Variants in SMARCA2 observed in about 807,000 individuals in gnomAD.
SMARCA2 encodes SWI/SNF related BAF chromatin remodeling complex subunit ATPase 2.
In SMARCA2, 61 loss-of-function variants were observed where a neutral mutation model predicts 199.8. The ratio of observed to expected loss-of-function variants is 0.31; its 90% CI spans 0.25 to 0.38. The LOEUF (loss-of-function observed/expected upper bound fraction) is 0.38, where lower values mean the gene tolerates loss of function less well. SMARCA2 is among the 10% of genes least tolerant of loss of function. The pLI is 1.00. For synonymous variants in SMARCA2, 935 were observed against 732.0 expected (o/e 1.28, Z -4.48); for missense variants, 1,344 against 2,012.2 (o/e 0.67, Z 6.35).
intron 15 of SMARCA2, among the ~76,000 whole-genome samples, chr9:2,082,737 A>C (rs946079938): frequency 3.9e-5 from 6 of 152,250 alleles, no homozygotes; most frequent in Non-Finnish European, 8.8e-5. Context: ...AGTAAGAAGA[A>C]GGATTCTATT....
intron 20 of SMARCA2, 35 bp downstream of exon 20, chr9:2,096,799 G>A (rs1442942058): frequency 1.6e-6 from 2 of 1,215,054 alleles, no homozygotes; most frequent in Non-Finnish European, 2.5e-6. Flanking sequence ...TCAAGGTGCT[G>A]TGGTATGTCT....
At chr9:2,142,944 T>C (rs150196505) in intron 27 of SMARCA2, among the ~76,000 whole-genome samples, 7 of 152,218 alleles carry the variant, frequency 4.6e-5, no homozygotes, top group African/African-American at 1.4e-4. Flanking sequence ...TCAATTTAAG[T>C]GCCTTTGGAA....
At chr9:2,182,323 ACCT>A in intron 31 of SMARCA2, 81 bp downstream of exon 31, 1 of 842,130 alleles carries the variant, frequency 1.2e-6, no homozygotes, top group Non-Finnish European at 2.0e-6. Flanking sequence ...TTCATTTTCT[ACCT>A]CTTGAATCAT....
At chr9:2,117,493 T>C (rs1393119888) in intron 25 of SMARCA2, among the ~76,000 whole-genome samples, 2 of 152,234 alleles carry the variant, frequency 1.3e-5, no homozygotes, top group Non-Finnish European at 2.9e-5. Context: ...TTTTTTGTTG[T>C]TTATACACTT....
chr9:2,091,019 T>G (rs1402694726), intron 19 of SMARCA2, among the ~76,000 whole-genome samples: 1 of 152,196 alleles, frequency 6.6e-6, no homozygotes, highest in African/African-American at 2.4e-5. Flanking sequence ...AGGAAAAGGC[T>G]AAATACTTTC....
intron 5 of SMARCA2, among the ~76,000 whole-genome samples, chr9:2,052,357 C>G (rs1334015984): frequency 2.0e-5 from 3 of 152,272 alleles, no homozygotes; most frequent in Non-Finnish European, 4.4e-5. Context: ...GCCTATAGCC[C>G]CAGCTACATG....
At position 2,177,347 on chromosome 9, in the gene SMARCA2, C is replaced by G. The variant is rs534426023; in HGVS notation, c.4254-4224C>G. Reference sequence around the variant, plus strand: ...CATTTTCTAATTGAAGTAAGATAGTCACATTTTAACCCTTATTAATATAAA... The same window carrying G: ...CATTTTCTAATTGAAGTAAGATAGTGACATTTTAACCCTTATTAATATAAA... On this transcript the variant is annotated intron_variant, in intron 29 of 33. Coordinates refer to ENST00000349721, the MANE Select transcript of SMARCA2 (RefSeq NM_003070.5). Among the ~76,000 whole-genome samples the G allele has an allele frequency of 1.4e-4, 22 of 152,234 alleles. No individual in the cohort carries two copies. The South Asian group carries it at 3.3e-3, about 23-fold the overall frequency.
intron 4 of SMARCA2, chr9:2,045,668 A>G (rs1388663609): frequency 6.6e-6 from 1 of 152,198 alleles, no homozygotes; most frequent in Non-Finnish European, 1.5e-5. Context: ...ACCTAAAATT[A>G]AAAATAAAAT....
chr9:2,182,478 C>CTTTTTT (rs145095906), intron 31 of SMARCA2, among the ~76,000 whole-genome samples: 135 of 96,674 alleles, frequency 1.4e-3, no homozygotes, highest in African/African-American at 4.8e-3. Context: ...AGCTTATAGT[C>CTTTTTT]TTTTTTTTTT....
chr9:2,148,545 G>A (rs1331011257), intron 27 of SMARCA2, among the ~76,000 whole-genome samples: 1 of 151,196 alleles, frequency 6.6e-6, no homozygotes, highest in Admixed American at 6.6e-5. Context: ...CAATGTGCAG[G>A]TTTGTTACAT....
rs571162745 is a variant in SMARCA2, at chr9:2,167,579, G to A, written c.4200-2840G>A. ...GGCACAGAGGGGTGGCAGCCACGTG[G>A]CTCCTGCCTCCCTGACACTCTTCAG... On this transcript the variant is annotated intron_variant, in intron 28 of 33. Coordinates refer to ENST00000349721, the MANE Select transcript of SMARCA2 (RefSeq NM_003070.5). Among the ~76,000 whole-genome samples, 7 of 152,306 alleles carry A rather than the reference G, an allele frequency of 4.6e-5. No homozygotes were observed. In the South Asian group the frequency reaches 1.4e-3, roughly 32 times the overall value.
At chr9:2,018,422 A>G (rs1054652121) in intron 1 of SMARCA2, among the ~76,000 whole-genome samples, 3 of 152,172 alleles carry the variant, frequency 2.0e-5, no homozygotes, top group African/African-American at 7.2e-5. Context: ...GACCTGGGCT[A>G]GTAATCTTTT....
intron 27 of SMARCA2, among the ~76,000 whole-genome samples, chr9:2,141,413 C>A (rs574780139): frequency 3.2e-4 from 49 of 152,250 alleles, no homozygotes; most frequent in Admixed American, 2.9e-3. Context: ...TAGAGTTTTA[C>A]CTTCTTTCAT....
At chr9:2,186,555 G>C (rs564023976) in intron 32 of SMARCA2, among the ~76,000 whole-genome samples, 1 of 152,254 alleles carries the variant, frequency 6.6e-6, no homozygotes, top group Non-Finnish European at 1.5e-5. Flanking sequence ...CCGGAGTGCA[G>C]TGGCATGATC....
Position 2,193,199 on chromosome 9 carries a change from T to C in SMARCA2, c.*460T>C, listed in dbSNP as rs1286762612. ...TTTTTATTTGTTCGGTATTGTTTTTTTACACTGTGGTACATATAAGCAACT... is the reference window on the plus strand; with the variant it reads ...TTTTTATTTGTTCGGTATTGTTTTTCTACACTGTGGTACATATAAGCAACT... On this transcript the variant is annotated 3_prime_UTR_variant, in exon 34 of 34. Transcript: ENST00000349721. The C allele has an allele frequency of 6.3e-6, 1 of 158,194 alleles. No homozygotes were observed. Among genetic ancestry groups the C allele is most frequent in the African/African-American group, 2.4e-5 (1 of 41,528 alleles). 9.8% of individuals were successfully genotyped at this position (158,194 alleles called of 1,614,324 possible). A position where few individuals can be genotyped will look rare whatever the true frequency, so the allele number is the denominator to read the frequency against.
At chr9:2,143,237 A>C (rs1231231776) in intron 27 of SMARCA2, among the ~76,000 whole-genome samples, 1 of 152,174 alleles carries the variant, frequency 6.6e-6, no homozygotes, top group African/African-American at 2.4e-5. Context: ...AAGGCTTGGA[A>C]ATACGTGACC....
intron 24 of SMARCA2, among the ~76,000 whole-genome samples, chr9:2,111,041 G>GTTTTTTTTTTTTTT (rs371262213): frequency 6.8e-6 from 1 of 147,846 alleles, no homozygotes; most frequent in Admixed American, 6.7e-5. Flanking sequence ...GTACTTTGAT[G>GTTTTTTTTTTTTTT]TTTTGTTTTT....
At chr9:2,176,099 T>C (rs1321199655) in intron 29 of SMARCA2, among the ~76,000 whole-genome samples, 1 of 151,960 alleles carries the variant, frequency 6.6e-6, no homozygotes, top group Admixed American at 6.6e-5. Flanking sequence ...CAGGCTGGTC[T>C]TGAACTCCTG....
At chr9:2,135,641 A>C (rs1448016557) in intron 27 of SMARCA2, among the ~76,000 whole-genome samples, 1 of 152,156 alleles carries the variant, frequency 6.6e-6, no homozygotes, top group African/African-American at 2.4e-5. Flanking sequence ...TCCTGGGTTC[A>C]AGCAATTATC....
Sources: allele counts gnomAD v4.1 joint callset (sites outside exome capture counted in the v4.1 genomes callset), GRCh38; gene constraint gnomAD v4.1.1; transcripts MANE v1.5; gene names NCBI Gene and HGNC (gene_info 2026-07-23, HGNC 2026-07-21).